The following DNAL1 variants were observed in gnomAD, a reference collection of about 807,000 sequenced individuals.
DNAL1 encodes dynein axonemal light chain 1.
In DNAL1, 17 loss-of-function variants were observed where a neutral mutation model predicts 29.4. The observed-to-expected ratio is 0.58, with a 90% CI of 0.40 to 0.87. DNAL1 has a LOEUF of 0.87. DNAL1 is among the 40% of genes least tolerant of loss of function. The pLI is 0.00. For synonymous variants in DNAL1, 78 were observed against 76.3 expected (o/e 1.02, Z -0.12); for missense variants, 188 against 214.1 (o/e 0.88, Z 0.76).
chr14:73,675,875 C>A (rs192563037), intron 5 of DNAL1, among the ~76,000 whole-genome samples: 1 of 152,014 alleles, frequency 6.6e-6, no homozygotes, highest in South Asian at 2.1e-4. Context: ...ATTAGCCAGG[C>A]CTGGTGGCGC....
intron 4 of DNAL1, among the ~76,000 whole-genome samples, chr14:73,669,195 A>G (rs536124376): frequency 6.6e-6 from 1 of 151,918 alleles, no homozygotes; most frequent in Admixed American, 6.5e-5. Flanking sequence ...GCTAGAGTGT[A>G]GTGGTGCAAA....
At position 73,690,713 on chromosome 14, in the gene DNAL1, A is replaced by G. The variant is rs368682934; in HGVS notation, c.532+1198A>G. Among the ~76,000 whole-genome samples, 88 of 152,198 alleles carry G rather than the reference A, an allele frequency of 5.8e-4. No homozygotes were observed. In the South Asian group the frequency reaches 0.017, roughly 29 times the overall value. ...ACAACATAAAGTTCCATGTCTATCTACTATCTACTTGTACTTTTATGTAAA... is the reference window on the plus strand; with the variant it reads ...ACAACATAAAGTTCCATGTCTATCTGCTATCTACTTGTACTTTTATGTAAA... On this transcript the variant is annotated intron_variant, in intron 7 of 7. Transcript: ENST00000553645.
At chr14:73,656,180 A>G (rs151311418) in intron 2 of DNAL1, among the ~76,000 whole-genome samples, 13 of 152,264 alleles carry the variant, frequency 8.5e-5, no homozygotes, top group African/African-American at 3.1e-4. Context: ...AAAATAATGA[A>G]ATACTTGAAT....
chr14:73,655,531 G>A (rs1891199189), intron 2 of DNAL1, among the ~76,000 whole-genome samples: 1 of 151,712 alleles, frequency 6.6e-6, no homozygotes, highest in Admixed American at 6.6e-5. Flanking sequence ...ATTTTTAGTA[G>A]AGATGGTGTT....
At chr14:73,686,168 C>G (rs569185695) in intron 5 of DNAL1, among the ~76,000 whole-genome samples, 1 of 152,208 alleles carries the variant, frequency 6.6e-6, no homozygotes, top group East Asian at 1.9e-4. Context: ...TTTCATTGCG[C>G]CAGTCTCCTC....
chr14:73,653,501 A>T (rs1891152401), intron 1 of DNAL1, among the ~76,000 whole-genome samples: 1 of 152,020 alleles, frequency 6.6e-6, no homozygotes, highest in Non-Finnish European at 1.5e-5. Flanking sequence ...ATAGGCATAC[A>T]CCACCATGCC....
intron 5 of DNAL1, among the ~76,000 whole-genome samples, chr14:73,684,907 A>C (rs1891977583): frequency 6.7e-6 from 1 of 148,340 alleles, no homozygotes; most frequent in South Asian, 2.1e-4. Context: ...ACTAAAAAAC[A>C]AACTAAAAAA....
chr14:73,651,836 T>A (rs547579565), intron 1 of DNAL1, among the ~76,000 whole-genome samples: 9 of 152,050 alleles, frequency 5.9e-5, no homozygotes, highest in Non-Finnish European at 1.2e-4. Context: ...TTTGTATTTT[T>A]AGTAGAGACG....
Position 73,684,927 on chromosome 14 carries a change from A to G in DNAL1, c.265-2332A>G, listed in dbSNP as rs1002545771. 2.3e-4 allele frequency among the ~76,000 whole-genome samples: 33 copies of G among 140,784 alleles called. 1 individual carries two copies. The highest frequency in any genetic ancestry group is 7.2e-5 in the Admixed American group (1 of 13,986). 92.4% of individuals were successfully genotyped at this position (140,784 alleles called of 152,430 possible). ...AAAACAAACTAAAAAAATAGATTTT[A>G]TGGCATTTCATAAAGCTCTCCCACT... On this transcript the variant is annotated intron_variant, in intron 5 of 7. Coordinates refer to ENST00000553645, the MANE Select transcript of DNAL1 (RefSeq NM_031427.4).
At chr14:73,679,858 C>T (rs1332126197) in intron 5 of DNAL1, among the ~76,000 whole-genome samples, 2 of 150,026 alleles carry the variant, frequency 1.3e-5, no homozygotes, top group Middle Eastern at 3.5e-3. Context: ...TTACATGTGT[C>T]ATGAGGCGCA....
intron 4 of DNAL1, among the ~76,000 whole-genome samples, chr14:73,669,834 A>G (rs972252675): frequency 3.9e-5 from 6 of 152,154 alleles, no homozygotes; most frequent in Non-Finnish European, 7.3e-5. Context: ...TCAGCCCATA[A>G]CATGGGGTCT....
chr14:73,667,925 C>T (rs1406075606), intron 4 of DNAL1, among the ~76,000 whole-genome samples: 1 of 152,166 alleles, frequency 6.6e-6, no homozygotes, highest in Non-Finnish European at 1.5e-5. Context: ...TAATTTCTTT[C>T]ATATTATACG....
chr14:73,677,299 G>C (rs915474254), intron 5 of DNAL1, among the ~76,000 whole-genome samples: 23 of 151,618 alleles, frequency 1.5e-4, no homozygotes, highest in Middle Eastern at 3.4e-3. Context: ...ACATTTGCCA[G>C]TATGATAGGC....
chr14:73,673,810 A>G (rs759677602), intron 5 of DNAL1, among the ~76,000 whole-genome samples: 12 of 151,462 alleles, frequency 7.9e-5, no homozygotes, highest in Non-Finnish European at 1.8e-4. Flanking sequence ...GGAAGGATTG[A>G]TTGCTTGAGC....
chr14:73,665,195 C>A (rs981291156), intron 4 of DNAL1, among the ~76,000 whole-genome samples: 5 of 151,894 alleles, frequency 3.3e-5, no homozygotes, highest in Non-Finnish European at 7.4e-5. Context: ...ATTTCAGTAC[C>A]CCCACCCCTC....
rs1566892361 is a variant in DNAL1 at position 73,691,853 on chromosome 14, C to CT, written c.532+2338_532+2339insT. On this transcript the variant is annotated intron_variant, in intron 7 of 7. Coordinates refer to ENST00000553645, the MANE Select transcript of DNAL1 (RefSeq NM_031427.4). ...GAACTACAGGCGTGCGCCACCCCCCCCCCCCAGCTAATTTTTGTATTTTTA... is the reference window on the plus strand; with the variant it reads ...GAACTACAGGCGTGCGCCACCCCCCCTCCCCCAGCTAATTTTTGTATTTTTA... Among the ~76,000 whole-genome samples the CT allele has an allele frequency of 2.4e-4, 34 of 140,526 alleles. 1 individual carries two copies. Among genetic ancestry groups the CT allele is most frequent in the Admixed American group, 2.3e-3 (32 of 13,632 alleles). 92.2% of individuals were successfully genotyped at this position (140,526 alleles called of 152,430 possible).
intron 7 of DNAL1, among the ~76,000 whole-genome samples, chr14:73,691,155 GTAT>G (rs753100634): frequency 6.6e-6 from 1 of 152,134 alleles, no homozygotes; most frequent in Non-Finnish European, 1.5e-5. Flanking sequence ...ATATATCAGA[GTAT>G]TATTATGAGG....
intron 7 of DNAL1, among the ~76,000 whole-genome samples, chr14:73,691,849 C>T (rs557379393): frequency 3.8e-5 from 3 of 78,696 alleles, no homozygotes; most frequent in African/African-American, 6.7e-5. Flanking sequence ...GTGCGCCACC[C>T]CCCCCCCCCA....
chr14:73,665,675 C>T (rs1333269406), intron 4 of DNAL1, among the ~76,000 whole-genome samples: 2 of 151,888 alleles, frequency 1.3e-5, no homozygotes, highest in Non-Finnish European at 2.9e-5. Context: ...CCTGTAATCC[C>T]AGCTACGTGG....
Sources: allele counts gnomAD v4.1 joint callset (sites outside exome capture counted in the v4.1 genomes callset), GRCh38; gene constraint gnomAD v4.1.1; transcripts MANE v1.5; gene names NCBI Gene and HGNC (gene_info 2026-07-23, HGNC 2026-07-21).